MAP3K20: variants seen among roughly 807,000 people sequenced by gnomAD.
MAP3K20 encodes the protein mitogen-activated protein kinase kinase kinase 20, also known as HCCS-4.
Under a neutral mutation model 85.7 loss-of-function variants are expected in MAP3K20, and 40 were observed. The observed-to-expected ratio is 0.47, with a 90% CI of 0.36 to 0.61. The LOEUF is 0.61. MAP3K20 is among the 20% of genes least tolerant of loss of function. The probability of loss-of-function intolerance (pLI) is 0.00; values close to 1 mark genes in which losing one functional copy is unlikely to be tolerated. For missense variants in MAP3K20, 817 were observed against 961.7 expected, an observed-to-expected ratio of 0.85 and a Z score of 1.99; for synonymous variants, 325 against 327.7, an observed-to-expected ratio of 0.99 and a Z score of 0.09.
intron 5 of MAP3K20, among the ~76,000 whole-genome samples, chr2:173,187,973 T>C (rs1393226230): frequency 1.3e-5 from 2 of 152,236 alleles, no homozygotes; most frequent in Non-Finnish European, 2.9e-5. Flanking sequence ...TGTCAAAGTA[T>C]GCAGTCATAT....
chr2:173,122,394 G>T (rs777088480), intron 2 of MAP3K20, among the ~76,000 whole-genome samples: 5 of 152,220 alleles, frequency 3.3e-5, no homozygotes, highest in Admixed American at 6.5e-5. Flanking sequence ...TGTTGATTCA[G>T]AGCTAGTGTT....
intron 11 of MAP3K20, chr2:173,221,068 C>G (rs895121261): frequency 5.6e-6 from 7 of 1,257,294 alleles, no homozygotes; most frequent in Non-Finnish European, 5.2e-6. Flanking sequence ...GTAGTGCCAA[C>G]TAATTTTGTG....
intron 5 of MAP3K20, among the ~76,000 whole-genome samples, chr2:173,188,626 G>A (rs1432599990): frequency 1.3e-5 from 2 of 151,796 alleles, no homozygotes; most frequent in African/African-American, 4.8e-5. Context: ...TTAGCAGGGG[G>A]TGAAGGGATG....
intron 2 of MAP3K20, among the ~76,000 whole-genome samples, chr2:173,109,805 C>T (rs1026982565): frequency 6.6e-6 from 1 of 152,066 alleles, no homozygotes; most frequent in African/African-American, 2.4e-5. Context: ...CTTGTTGAGC[C>T]CGTTTGTAGA....
chr2:173,241,369 T>G (rs1470049708), intron 16 of MAP3K20, among the ~76,000 whole-genome samples: 1 of 152,080 alleles, frequency 6.6e-6, no homozygotes, highest in African/African-American at 2.4e-5. Context: ...TCCCAGCACT[T>G]TGGGAGGCTG....
chr2:173,138,964 C>T (rs1266413196), intron 2 of MAP3K20, among the ~76,000 whole-genome samples: 1 of 152,224 alleles, frequency 6.6e-6, no homozygotes, highest in Non-Finnish European at 1.5e-5. Context: ...AGTCCACAGG[C>T]TGTCTGGAAG....
At chr2:173,246,167 CAG>C (rs1433980362) in intron 16 of MAP3K20, among the ~76,000 whole-genome samples, 2 of 152,274 alleles carry the variant, frequency 1.3e-5, no homozygotes, top group East Asian at 3.9e-4. Flanking sequence ...AACTGAGGCA[CAG>C]AGGTGAAACT....
chr2:173,259,817 A>C (rs1246390722), intron 17 of MAP3K20, among the ~76,000 whole-genome samples: 1 of 152,020 alleles, frequency 6.6e-6, no homozygotes, highest in Non-Finnish European at 1.5e-5. Context: ...CCTTTTTCTT[A>C]TTTTGTCAGG....
chr2:173,092,078 G>A (rs1195023052), intron 2 of MAP3K20, among the ~76,000 whole-genome samples: 1 of 152,046 alleles, frequency 6.6e-6, no homozygotes, highest in South Asian at 2.1e-4. Flanking sequence ...TTCATTAACT[G>A]CTGCCAGTGA....
intron 14 of MAP3K20, among the ~76,000 whole-genome samples, chr2:173,237,957 C>G (rs1405452657): frequency 1.3e-5 from 2 of 152,180 alleles, no homozygotes; most frequent in East Asian, 3.9e-4. Context: ...GATTTCAAGA[C>G]CAGCCTGGGC....
chr2:173,197,836 TA>T, intron 7 of MAP3K20, 189 bp from the exon 8 acceptor site: 1 of 297,920 alleles, frequency 3.4e-6, no homozygotes, highest in Non-Finnish European at 6.1e-6. Flanking sequence ...TTTTTCTTTA[TA>T]AAAAAGAACG....
intron 1 of MAP3K20, among the ~76,000 whole-genome samples, chr2:173,083,411 T>G (rs1380745242): frequency 6.6e-6 from 1 of 152,040 alleles, no homozygotes; most frequent in Non-Finnish European, 1.5e-5. Flanking sequence ...TGGAGTGCAG[T>G]GGCGTAATCA....
chr2:173,079,984 C>G (rs1686970386), intron 1 of MAP3K20, among the ~76,000 whole-genome samples: 1 of 151,806 alleles, frequency 6.6e-6, no homozygotes, highest in African/African-American at 2.4e-5. Flanking sequence ...TTATCCTTAT[C>G]AAGCATTGTG....
chr2:173,109,454 A>G (rs1687878955), intron 2 of MAP3K20, among the ~76,000 whole-genome samples: 1 of 151,432 alleles, frequency 6.6e-6, no homozygotes, highest in Non-Finnish European at 1.5e-5. Flanking sequence ...TATTTGAAAT[A>G]TGTCTTTCCG....
At chr2:173,219,521 A>G (rs1684172453) in intron 11 of MAP3K20, among the ~76,000 whole-genome samples, 1 of 152,230 alleles carries the variant, frequency 6.6e-6, no homozygotes, top group African/African-American at 2.4e-5. Context: ...AAATAATGCA[A>G]TGAGCCACAA....
At chr2:173,131,889 G>A (rs1688627137) in intron 2 of MAP3K20, among the ~76,000 whole-genome samples, 1 of 152,122 alleles carries the variant, frequency 6.6e-6, no homozygotes, top group Non-Finnish European at 1.5e-5. Flanking sequence ...GTGATTTCAT[G>A]GTTTGCAACC....
At chr2:173,186,455 A>T (rs1258463344) in intron 4 of MAP3K20, among the ~76,000 whole-genome samples, 1 of 152,082 alleles carries the variant, frequency 6.6e-6, no homozygotes, top group Non-Finnish European at 1.5e-5. Context: ...TGTTAACTTG[A>T]CTCTTCAGTG....
intron 2 of MAP3K20, among the ~76,000 whole-genome samples, chr2:173,092,467 T>C (rs1208425307): frequency 1.3e-5 from 2 of 152,196 alleles, no homozygotes; most frequent in South Asian, 2.1e-4. Context: ...ATTGTCCCCA[T>C]TTTATGGATT....
chr2:173,103,775 A>G (rs758611226), intron 2 of MAP3K20, among the ~76,000 whole-genome samples: 4 of 152,148 alleles, frequency 2.6e-5, no homozygotes, highest in Non-Finnish European at 4.4e-5. Context: ...GTAACTCTAC[A>G]TGTGAATAAT....
Sources: gnomAD v4.1 joint callset for allele counts (sites outside exome capture counted in the v4.1 genomes callset) on GRCh38, gnomAD v4.1.1 for gene constraint, MANE v1.5 for transcripts, NCBI Gene and HGNC (gene_info 2026-07-23, HGNC 2026-07-21) for gene names.